The following DLGAP2 variants were observed in gnomAD, a reference collection of about 807,000 sequenced individuals.
DLGAP2 encodes the protein DLG associated protein 2, also known as disks large-associated protein 2.
Under a neutral mutation model 100.3 loss-of-function variants are expected in DLGAP2, and 26 were observed. That is an observed-to-expected ratio of 0.26 (90% CI 0.19 to 0.36). The LOEUF (loss-of-function observed/expected upper bound fraction) is 0.36, where lower values mean the gene tolerates loss of function less well. Among genes scored for constraint, DLGAP2 ranks in the 10% least tolerant of loss-of-function variants. The pLI is 1.00. For missense variants in DLGAP2, 1,858 were observed against 1,453.2 expected (o/e 1.28, Z -4.53); for synonymous variants, 886 against 630.1 (o/e 1.41, Z -6.08).
intron 3 of DLGAP2, among the ~76,000 whole-genome samples, chr8:1,361,693 C>T (rs1051380386): frequency 8.5e-5 from 13 of 152,328 alleles, no homozygotes; most frequent in African/African-American, 2.9e-4. Flanking sequence ...ATGTCAAGCA[C>T]CTTCGCGCAA....
chr8:1,353,898 T>A (rs979177252), intron 3 of DLGAP2, among the ~76,000 whole-genome samples: 1 of 151,920 alleles, frequency 6.6e-6, no homozygotes, highest in Non-Finnish European at 1.5e-5. Context: ...GGGAAAAAAA[T>A]CAGCGAAGGG....
At chr8:954,085 T>G (rs1416651073) in intron 2 of DLGAP2, among the ~76,000 whole-genome samples, 3 of 152,202 alleles carry the variant, frequency 2.0e-5, no homozygotes, top group African/African-American at 7.2e-5. Flanking sequence ...AAAGTAGTTT[T>G]GACGTCTTGA....
intron 2 of DLGAP2, among the ~76,000 whole-genome samples, chr8:1,248,222 C>T (rs35320544): frequency 6.7e-5 from 2 of 29,728 alleles, no homozygotes; most frequent in East Asian, 7.7e-4. Context: ...TGGTCCATGT[C>T]GGTGGCCGGG....
chr8:1,408,770 A>C (rs1796646126), intron 3 of DLGAP2, among the ~76,000 whole-genome samples: 1 of 152,102 alleles, frequency 6.6e-6, no homozygotes, highest in African/African-American at 2.4e-5. Flanking sequence ...AACTCGTGGC[A>C]GCTCTACCAC....
At chr8:1,054,322 A>G (rs1802814365) in intron 2 of DLGAP2, among the ~76,000 whole-genome samples, 1 of 152,114 alleles carries the variant, frequency 6.6e-6, no homozygotes. Context: ...ATTCGCAGTC[A>G]TGTCTATGCT....
intron 6 of DLGAP2, among the ~76,000 whole-genome samples, chr8:1,599,540 C>G (rs1208675605): frequency 6.6e-6 from 1 of 152,050 alleles, no homozygotes; most frequent in Non-Finnish European, 1.5e-5. Flanking sequence ...AATCTGGGTC[C>G]TCCTGTATTG....
At chr8:770,270 C>T (rs551850975) in intron 1 of DLGAP2, among the ~76,000 whole-genome samples, 14 of 152,132 alleles carry the variant, frequency 9.2e-5, no homozygotes, top group South Asian at 6.2e-4. Flanking sequence ...GCGTGGCGTG[C>T]GTGGCTCAGA....
chr8:1,330,023 G>A (rs1801112682), intron 3 of DLGAP2, among the ~76,000 whole-genome samples: 1 of 152,356 alleles, frequency 6.6e-6, no homozygotes, highest in Middle Eastern at 3.4e-3. Flanking sequence ...GGACAGAACG[G>A]ATGTCCATTA....
At chr8:1,267,922 G>A (rs1312030156) in intron 3 of DLGAP2, among the ~76,000 whole-genome samples, 5 of 152,066 alleles carry the variant, frequency 3.3e-5, no homozygotes, top group Non-Finnish European at 5.9e-5. Flanking sequence ...AATACATAAA[G>A]CTGGCTTCAT....
chr8:1,086,089 A>T (rs186580897), intron 2 of DLGAP2, among the ~76,000 whole-genome samples: 1 of 152,312 alleles, frequency 6.6e-6, no homozygotes, highest in East Asian at 1.9e-4. Flanking sequence ...GTAGAGAAAC[A>T]CTAATGACTT....
chr8:1,351,806 G>A lies in DLGAP2; in HGVS notation c.106+92923G>A, dbSNP rs1238795370. On this transcript the variant is annotated intron_variant, in intron 3 of 14. Coordinates refer to ENST00000637795, the MANE Select transcript of DLGAP2 (RefSeq NM_001346810.2). ...CTGACTGTGTGTGGAAAGGACGTGC[G>A]CGTCCTGCGTGTGGCGTGGAAAGGC... is the stretch of plus-strand genomic sequence containing the variant. 3.9e-5 allele frequency among the ~76,000 whole-genome samples: 3 copies of A among 76,392 alleles called. 1 individual carries two copies. The highest frequency in any genetic ancestry group is 6.1e-4 in the East Asian group (1 of 1,646). 50.1% of individuals were successfully genotyped at this position (76,392 alleles called of 152,430 possible). A position where few individuals can be genotyped will look rare whatever the true frequency, so the allele number is the denominator to read the frequency against.
At chr8:737,863 G>T (rs1440482856) in intron 1 of DLGAP2, 38 bp downstream of exon 1, 2 of 374,790 alleles carry the variant, frequency 5.3e-6, no homozygotes, top group Non-Finnish European at 9.5e-6. Context: ...CCGGGCGCGG[G>T]GCTCCGAGAG....
intron 4 of DLGAP2, among the ~76,000 whole-genome samples, chr8:1,522,792 A>G (rs1302512580): frequency 6.6e-6 from 1 of 152,234 alleles, no homozygotes; most frequent in Non-Finnish European, 1.5e-5. Context: ...AATCAGGTTA[A>G]TTAGCAAACA....
intron 6 of DLGAP2, among the ~76,000 whole-genome samples, chr8:1,579,693 T>C (rs1248203698): frequency 6.6e-6 from 1 of 152,214 alleles, no homozygotes; most frequent in Non-Finnish European, 1.5e-5. Context: ...GCATGCCATT[T>C]AAAACTGAAA....
chr8:1,630,915 C>T (rs1363889878), intron 7 of DLGAP2, among the ~76,000 whole-genome samples: 6 of 146,706 alleles, frequency 4.1e-5, no homozygotes, highest in Admixed American at 1.3e-4. Context: ...AGGGTCTGGG[C>T]GGGAGGTCCG....
chr8:1,499,360 T>C (rs961369713), intron 3 of DLGAP2, among the ~76,000 whole-genome samples: 1 of 152,142 alleles, frequency 6.6e-6, no homozygotes, highest in African/African-American at 2.4e-5. Flanking sequence ...GAAAGTCTGG[T>C]GTAAGGAGGG....
At chr8:1,684,396 A>C (rs1259131982) in intron 12 of DLGAP2, among the ~76,000 whole-genome samples, 2 of 152,040 alleles carry the variant, frequency 1.3e-5, no homozygotes, top group African/African-American at 4.8e-5. Flanking sequence ...GATAACCTTA[A>C]TTTCCAGTCC....
chr8:1,390,588 G>A (rs916474410), intron 3 of DLGAP2, among the ~76,000 whole-genome samples: 3 of 152,036 alleles, frequency 2.0e-5, no homozygotes, highest in Non-Finnish European at 2.9e-5. Context: ...TCTGCGTGCC[G>A]CCTCCCTTGC....
intron 1 of DLGAP2, among the ~76,000 whole-genome samples, chr8:744,026 T>G (rs980407877): frequency 2.0e-5 from 3 of 152,256 alleles, no homozygotes; most frequent in African/African-American, 7.2e-5. Context: ...CCTCTGAGTC[T>G]TTGCATCTAA....
Sources: allele counts gnomAD v4.1 joint callset (sites outside exome capture counted in the v4.1 genomes callset), GRCh38; gene constraint gnomAD v4.1.1; transcripts MANE v1.5; gene names NCBI Gene and HGNC (gene_info 2026-07-23, HGNC 2026-07-21).